DNAH3: variants seen among roughly 807,000 people sequenced by gnomAD.
DNAH3 encodes dynein axonemal heavy chain 3.
In DNAH3, 332 loss-of-function variants were observed where a neutral mutation model predicts 432.5. The observed-to-expected ratio is 0.77, with a 90% CI of 0.70 to 0.84. The LOEUF (loss-of-function observed/expected upper bound fraction) is 0.84, where lower values mean the gene tolerates loss of function less well. DNAH3 is among the 40% of genes least tolerant of loss of function. The pLI is 0.00. For missense variants in DNAH3, 4,861 were observed against 5,114.0 expected (o/e 0.95, Z 1.51); for synonymous variants, 1,956 against 1,900.2 (o/e 1.03, Z -0.76).
rs34267850 is a variant in DNAH3 at position 20,949,263 on chromosome 16, C to CAAA, written c.11189-629_11189-627dup. Among the ~76,000 whole-genome samples the CAAA allele has an allele frequency of 2.0e-3, 132 of 65,590 alleles. 1 individual carries two copies. Among genetic ancestry groups the CAAA allele is most frequent in the East Asian group, 5.8e-3 (13 of 2,250 alleles). The allele number at this position is 65,590 out of a possible 152,430, so 43.0% of individuals were successfully genotyped here. A position where few individuals can be genotyped will look rare whatever the true frequency, so the allele number is the denominator to read the frequency against. On this transcript the variant is annotated intron_variant, in intron 56 of 61. Coordinates refer to ENST00000261383, the Ensembl canonical transcript of DNAH3. The stretch of plus-strand genomic sequence containing the variant: ...TCTGGGTGACAGAGGGAGACTGTCT[C>CAAA]AAAAAAAAAAAAAAAAAAAAAGACC...
rs773367862 is a variant in DNAH3 at position 21,140,727 on chromosome 16, G to A, written c.522-17C>T. 2.5e-6 allele frequency: 4 copies of A among 1,612,666 alleles called. No individual in the cohort carries two copies. The African/African-American group carries it at 4.0e-5, about 16-fold the overall frequency. ...AACTTGATCCTGAAAAGTAGACACA[G>A]CTCAGCCCTTGGTGTTTGGTTCTCC... On this transcript the variant is annotated splice_polypyrimidine_tract_variant and intron_variant, in intron 4 of 61. Transcript: ENST00000261383.
At chr16:21,075,914 C>CAA (rs34186982) in intron 20 of DNAH3, among the ~76,000 whole-genome samples, 16,252 of 52,718 alleles carry the variant, frequency 0.31, 3,180 homozygotes, top group Non-Finnish European at 0.36. Context: ...AACCCTGTCT[C>CAA]AAAAAAAAAA....
chr16:20,943,774 A>T (rs574139764), intron 58 of DNAH3, among the ~76,000 whole-genome samples: 2 of 152,292 alleles, frequency 1.3e-5, no homozygotes, highest in East Asian at 3.9e-4. Flanking sequence ...TGAGCCCAGG[A>T]GTTTGAGACG....
intron 8 of DNAH3, among the ~76,000 whole-genome samples, chr16:21,126,662 T>G (rs2092451630): frequency 6.6e-6 from 1 of 152,132 alleles, no homozygotes; most frequent in African/African-American, 2.4e-5. Flanking sequence ...ATGGACTGGT[T>G]GTAGGAACCA....
intron 1 of DNAH3, among the ~76,000 whole-genome samples, chr16:21,154,608 G>A (rs1223320335): frequency 6.6e-6 from 1 of 152,184 alleles, no homozygotes; most frequent in Non-Finnish European, 1.5e-5. Flanking sequence ...TAGACATCAT[G>A]TCTTTGAATC....
intron 16 of DNAH3, among the ~76,000 whole-genome samples, chr16:21,101,103 A>C (rs1245553662): frequency 6.6e-6 from 1 of 152,188 alleles, no homozygotes; most frequent in Non-Finnish European, 1.5e-5. Context: ...CATTTAATAC[A>C]CCTAACCTAC....
At chr16:21,111,879 C>T in intron 13 of DNAH3, 75 bp from the exon 14 acceptor site, 2 of 1,573,004 alleles carry the variant, frequency 1.3e-6, no homozygotes, top group Non-Finnish European at 8.7e-7. Flanking sequence ...TAACCCCTGG[C>T]CAACCCTAGT....
chr16:21,124,855 G>A (rs1177929643), intron 9 of DNAH3, among the ~76,000 whole-genome samples: 1 of 152,086 alleles, frequency 6.6e-6, no homozygotes, highest in East Asian at 1.9e-4. Context: ...TCACCATGAT[G>A]GCCAGGCTGG....
intron 56 of DNAH3, among the ~76,000 whole-genome samples, chr16:20,949,389 A>G (rs2084211027): frequency 6.6e-6 from 1 of 152,014 alleles, no homozygotes; most frequent in Non-Finnish European, 1.5e-5. Flanking sequence ...ACATTTAAAG[A>G]GCGAGGGAGA....
At chr16:21,090,370 T>TA (rs1208559560) in intron 18 of DNAH3, among the ~76,000 whole-genome samples, 1 of 132,194 alleles carries the variant, frequency 7.6e-6, no homozygotes, top group Non-Finnish European at 1.6e-5. Flanking sequence ...ACAGATACAT[T>TA]ACAAAAAAAA....
exon 57 of DNAH3, chr16:20,948,530 G>C: frequency 6.2e-7 from 1 of 1,614,052 alleles, no homozygotes; most frequent in Non-Finnish European, 8.5e-7. Context: ...CCAGGAGCGA[G>C]GGAGTAATAG....
intron 55 of DNAH3, among the ~76,000 whole-genome samples, chr16:20,952,811 T>G (rs564721645): frequency 2.6e-5 from 4 of 152,296 alleles, no homozygotes; most frequent in South Asian, 4.1e-4. Flanking sequence ...CTGGGATTTG[T>G]GGAATGAGAA....
At chr16:21,101,301 C>T (rs1262634334) in intron 16 of DNAH3, among the ~76,000 whole-genome samples, 1 of 152,052 alleles carries the variant, frequency 6.6e-6, no homozygotes, top group African/African-American at 2.4e-5. Context: ...ACTTTCACAC[C>T]ATCAGAAAGT....
intron 16 of DNAH3, among the ~76,000 whole-genome samples, chr16:21,100,828 A>G (rs2091819373): frequency 6.6e-6 from 1 of 152,186 alleles, no homozygotes; most frequent in African/African-American, 2.4e-5. Flanking sequence ...TTGAAGCTCC[A>G]AATACTATAC....
intron 54 of DNAH3, 75 bp downstream of exon 54, chr16:20,959,104 G>A (rs781491612): frequency 6.8e-7 from 1 of 1,472,634 alleles, no homozygotes. Flanking sequence ...ACTGTGTCTT[G>A]GTCATCTTCC....
chr16:21,042,153 G>A, exon 32 of DNAH3: 1 of 1,612,582 alleles, frequency 6.2e-7, no homozygotes. Flanking sequence ...TCCGAATGAT[G>A]GCTTGTTGGA....
intron 18 of DNAH3, among the ~76,000 whole-genome samples, chr16:21,093,783 CA>C (rs1681616467): frequency 6.6e-6 from 1 of 152,078 alleles, no homozygotes; most frequent in South Asian, 2.1e-4. Flanking sequence ...AAGATATGGA[CA>C]ACTGATTTTT....
At chr16:21,152,726 G>T (rs2092867716) in intron 1 of DNAH3, among the ~76,000 whole-genome samples, 1 of 152,256 alleles carries the variant, frequency 6.6e-6, no homozygotes, top group South Asian at 2.1e-4. Flanking sequence ...GGGCAATGAG[G>T]GGCTTAGCAC....
At chr16:20,941,728 T>A (rs1025283478) in intron 58 of DNAH3, among the ~76,000 whole-genome samples, 185 bp from the exon 59 acceptor site, 1 of 152,102 alleles carries the variant, frequency 6.6e-6, no homozygotes, top group South Asian at 2.1e-4. Context: ...CCCACCAGCC[T>A]TGGGGAGGGC....
Sources: allele counts gnomAD v4.1 joint callset (sites outside exome capture counted in the v4.1 genomes callset), GRCh38; gene constraint gnomAD v4.1.1; transcripts MANE v1.5; gene names NCBI Gene and HGNC (gene_info 2026-07-23, HGNC 2026-07-21).